The following MED23 variants were observed in gnomAD, a reference collection of about 807,000 sequenced individuals.
The protein encoded by MED23 is mediator complex subunit 23.
Under a neutral mutation model 163.9 loss-of-function variants are expected in MED23, and 105 were observed. That is an observed-to-expected ratio of 0.64 (90% CI 0.55 to 0.75). The LOEUF is 0.75. Ranked by LOEUF, MED23 falls within the 30% of genes least tolerant of loss-of-function variation. The probability of loss-of-function intolerance (pLI) is 0.00; values close to 1 mark genes in which losing one functional copy is unlikely to be tolerated. For synonymous variants in MED23, 561 were observed against 565.6 expected, an observed-to-expected ratio of 0.99 and a Z score of 0.12; for missense variants, 1,054 against 1,649.0, an observed-to-expected ratio of 0.64 and a Z score of 6.25.
chr6:131,605,331 G>A lies in MED23; in HGVS notation c.1522C>T (p.Pro508Ser), dbSNP rs760209642. 10 of 1,613,282 alleles carry A rather than the reference G, an allele frequency of 6.2e-6. No homozygotes were observed. In the South Asian group the frequency reaches 1.1e-4, roughly 18 times the overall value. ...GCCATACAGTTTGTTCCAGGGAGAGGTATCCTCATAATTCCATTTCCATAA... is the reference window on the plus strand; with the variant it reads ...GCCATACAGTTTGTTCCAGGGAGAGATATCCTCATAATTCCATTTCCATAA... ...TIYGNGIMRIPLPGTNCMASG... is the reference protein window; with the variant it reads ...TIYGNGIMRISLPGTNCMASG... Residue 508 changes from proline to serine, a missense_variant, in exon 14 of 29, where the codon CCT becomes TCT. By Grantham distance (74) the Pro-to-Ser change is moderately conservative. Coordinates refer to ENST00000368068, the MANE Select transcript of MED23 (RefSeq NM_004830.4).
chr6:131,595,949 T>C lies in MED23; in HGVS notation c.2993A>G (p.His998Arg). ...LDHLGGLYKF[H>R]DRPVTYLYNT... The stretch of plus-strand genomic sequence containing the variant: ...AATTAAAATTGGAAAAAGCTCACCA[T>C]GAAATTTATATAAGCCTCCTAGATG... Residue 998 changes from histidine (H) to arginine (R), a missense_variant and splice_region_variant, in exon 22 of 29, where the codon CAT becomes CGT. His to Arg is a conservative substitution (Grantham distance 29). This residue lies in a region of MED23 where 362 missense variants were observed against 471.6 expected (regional missense o/e 0.77). Transcript: ENST00000368068. The C allele has an allele frequency of 4.3e-6, 7 of 1,612,758 alleles. No individual in the cohort carries two copies. The highest frequency in any genetic ancestry group is 5.9e-6 in the Non-Finnish European group (7 of 1,178,924).
chr6:131,624,478 T>C (rs895266614), intron 4 of MED23, among the ~76,000 whole-genome samples: 1 of 152,198 alleles, frequency 6.6e-6, no homozygotes, highest in Non-Finnish European at 1.5e-5. Flanking sequence ...CCTAGCCACA[T>C]TGATCACAAT....
chr6:131,581,373 G>A (rs1297815353), intron 30 of MED23: 1 of 1,612,464 alleles, frequency 6.2e-7, no homozygotes, highest in South Asian at 1.1e-5. Context: ...GGAACTAAAA[G>A]GAAAGGTAAA....
intron 11 of MED23, among the ~76,000 whole-genome samples, chr6:131,608,812 G>A (rs980241730): frequency 4.6e-5 from 7 of 152,170 alleles, no homozygotes; most frequent in African/African-American, 1.2e-4. Flanking sequence ...AATTCATGCT[G>A]TGGAGATGTT....
chr6:131,610,301 A>T (rs778526098), intron 10 of MED23, 55 bp from the exon 11 acceptor site: 8 of 1,547,514 alleles, frequency 5.2e-6, no homozygotes, highest in Non-Finnish European at 1.8e-6. Flanking sequence ...TAGTTTCAGA[A>T]GTTACCAGTT....
At chr6:131,621,268 G>A (rs1189634402) in intron 6 of MED23, among the ~76,000 whole-genome samples, 6 of 152,082 alleles carry the variant, frequency 3.9e-5, no homozygotes, top group East Asian at 1.9e-4. Flanking sequence ...GGTTAATAAC[G>A]ATATAGTGTA....
At chr6:131,588,657 T>G (rs1226773272) in intron 28 of MED23, among the ~76,000 whole-genome samples, 1 of 152,194 alleles carries the variant, frequency 6.6e-6, no homozygotes, top group Non-Finnish European at 1.5e-5. Context: ...TCAACCTCCT[T>G]GGCATCTCAA....
intron 9 of MED23, among the ~76,000 whole-genome samples, chr6:131,618,153 G>C (rs529304286): frequency 6.6e-6 from 1 of 152,280 alleles, no homozygotes; most frequent in African/African-American, 2.4e-5. Context: ...TAAAATTTCA[G>C]TTTGCCATTT....
chr6:131,600,591 G>A (rs939404430), intron 17 of MED23, among the ~76,000 whole-genome samples: 4 of 152,156 alleles, frequency 2.6e-5, no homozygotes, highest in Admixed American at 1.3e-4. Flanking sequence ...GGTTCTTTAT[G>A]TAAAACAAAA....
At chr6:131,623,556 A>T (rs1407951649) in intron 4 of MED23, 94 bp from the exon 5 acceptor site, 4 of 953,534 alleles carry the variant, frequency 4.2e-6, no homozygotes, top group Non-Finnish European at 1.7e-6. Context: ...ACTCACACAA[A>T]TCTCATCTTG....
Position 131,627,490 on chromosome 6 carries a change from A to C in MED23, c.72-7T>G. 1 of 1,611,160 alleles carries C rather than the reference A, an allele frequency of 6.2e-7. No individual in the cohort carries two copies. Among genetic ancestry groups the C allele is most frequent in the Non-Finnish European group, 8.5e-7 (1 of 1,177,408 alleles). The stretch of plus-strand genomic sequence containing the variant: ...AGGAGTATCCATAAACATGCTAAAA[A>C]AATAAAAATTACATTATTTGTCATT... On this transcript the variant is annotated splice_region_variant and splice_polypyrimidine_tract_variant and intron_variant, in intron 2 of 28. Transcript: ENST00000368068.
Position 131,594,131 on chromosome 6 carries a change from T to C in MED23, c.3200A>G (p.Tyr1067Cys). 1.2e-6 allele frequency: 2 copies of C among 1,614,132 alleles called. No individual in the cohort carries two copies. Among genetic ancestry groups the C allele is most frequent in the Non-Finnish European group, 1.7e-6 (2 of 1,179,994 alleles). The change falls in exon 23 of 29, where the codon TAC becomes TGC. Residue 1067 changes from tyrosine to cysteine, a missense_variant. Physicochemically the swap from Tyr to Cys is radical, Grantham distance 194. Transcript: ENST00000368068. ...TAGTCTGCCAATCAATCTGCAATAG[T>C]AGGTGTCATCTGGAACCCAAGGATT... ...EENPWVPDDT[Y>C]YCRLIGRLVD...
At position 131,598,526 on chromosome 6, in the gene MED23, A is replaced by G. The variant is rs769504384; in HGVS notation, c.2426+30T>C. On this transcript the variant is annotated intron_variant, in intron 19 of 28. Coordinates refer to ENST00000368068, the MANE Select transcript of MED23 (RefSeq NM_004830.4). This position sits in a 1 kb window ranked among gnomAD's most constrained non-coding sequence, Gnocchi z 4.7. Reference sequence around the variant, plus strand: ...GTTGTATGGATACAACAATTTGCCAAATGGAATGCAAATTAGGTTTTTGAC... The same window carrying G: ...GTTGTATGGATACAACAATTTGCCAGATGGAATGCAAATTAGGTTTTTGAC... 6.2e-7 allele frequency: 1 copy of G among 1,613,424 alleles called. No individual in the cohort carries two copies. The highest frequency in any genetic ancestry group is 1.1e-5 in the South Asian group (1 of 91,056).
At chr6:131,606,749 G>A (rs1009907269) in intron 12 of MED23, 125 bp from the exon 13 acceptor site, 30 of 852,584 alleles carry the variant, frequency 3.5e-5, no homozygotes, top group Non-Finnish European at 5.1e-5. Flanking sequence ...CTTTAGCCCC[G>A]ATAATTCAAT....
At chr6:131,609,506 C>CTTTTTTT (rs71030751) in intron 11 of MED23, among the ~76,000 whole-genome samples, 5 of 98,022 alleles carry the variant, frequency 5.1e-5, no homozygotes, top group Non-Finnish European at 7.6e-5. Context: ...GAGACTATTC[C>CTTTTTTT]TTTTTTTTTT....
At chr6:131,624,788 C>T (rs1777361507) in intron 4 of MED23, 77 bp downstream of exon 4, 1 of 1,514,798 alleles carries the variant, frequency 6.6e-7, no homozygotes, top group Non-Finnish European at 9.1e-7. Context: ...TACCTTTTTA[C>T]AACAACAACC....
In MED23 at chr6:131,610,027, C is replaced by T; in HGVS notation, c.1077+19G>A. 1 of 1,608,882 alleles carries T rather than the reference C, an allele frequency of 6.2e-7. No homozygotes were observed. The highest frequency in any genetic ancestry group is 1.7e-5 in the Admixed American group (1 of 59,990). ...AATCAACAGGTGAAGTCACTCCGAC[C>T]ATAAGATTTAGTACATACCTTCTGA... On this transcript the variant is annotated intron_variant, in intron 11 of 28. Transcript: ENST00000368068.
chr6:131,600,036 A>G lies in MED23; in HGVS notation c.2220+2T>C. On this transcript the variant is annotated splice_donor_variant, in intron 18 of 28. Transcript: ENST00000368068. LOFTEE classifies it high-confidence loss of function. ...TCAATAAGTAATTCAAGACCAAATT[A>G]CCTGTAGTGGGCCTGGAAAACAGCT... The G allele has an allele frequency of 6.2e-7, 1 of 1,614,082 alleles. No homozygotes were observed. The highest frequency in any genetic ancestry group is 8.5e-7 in the Non-Finnish European group (1 of 1,179,952).
downstream of MED23, chr6:131,582,676 T>C (rs903693189): frequency 3.7e-6 from 6 of 1,613,874 alleles, no homozygotes; most frequent in East Asian, 2.2e-5. Context: ...GCCAAGGATA[T>C]TGTGTATATT....
Sources: allele counts gnomAD v4.1 joint callset (sites outside exome capture counted in the v4.1 genomes callset), GRCh38; gene constraint gnomAD v4.1.1; regional missense constraint gnomAD v4.1.1; non-coding constraint Gnocchi (gnomAD v3.1); transcripts MANE v1.5; gene names NCBI Gene and HGNC (gene_info 2026-07-23, HGNC 2026-07-21).